RNF150: variants seen among roughly 807,000 people sequenced by gnomAD.
The protein encoded by RNF150 is ring finger protein 150.
In RNF150, 24 loss-of-function variants were observed where a neutral mutation model predicts 39.3. The ratio of observed to expected loss-of-function variants is 0.61; its 90% CI spans 0.44 to 0.86. The LOEUF (loss-of-function observed/expected upper bound fraction) is 0.86, where lower values mean the gene tolerates loss of function less well. Ranked by LOEUF, RNF150 falls within the 40% of genes least tolerant of loss-of-function variation. RNF150 has a pLI of 0.00. For missense variants in RNF150, 502 were observed against 587.8 expected, an observed-to-expected ratio of 0.85 and a Z score of 1.51; for synonymous variants, 255 against 227.3, an observed-to-expected ratio of 1.12 and a Z score of -1.10.
intron 5 of RNF150, among the ~76,000 whole-genome samples, chr4:140,923,968 TTG>T (rs1176956618): frequency 6.6e-6 from 1 of 151,774 alleles, no homozygotes; most frequent in Non-Finnish European, 1.5e-5. Flanking sequence ...CTGGGGCCTG[TTG>T]TGGGGTGGGG....
intron 1 of RNF150, among the ~76,000 whole-genome samples, chr4:141,126,202 G>A (rs1231742866): frequency 6.6e-6 from 1 of 152,110 alleles, no homozygotes; most frequent in Non-Finnish European, 1.5e-5. Context: ...TATCTTGTGA[G>A]AAAAATGAAG....
chr4:141,171,928 C>T (rs112664762), intron 1 of RNF150, among the ~76,000 whole-genome samples: 6 of 152,180 alleles, frequency 3.9e-5, no homozygotes, highest in East Asian at 1.9e-4. Flanking sequence ...CTCATGTGAG[C>T]GTCTAGTCAT....
intron 1 of RNF150, among the ~76,000 whole-genome samples, chr4:141,128,261 A>T (rs892087498): frequency 3.3e-5 from 5 of 152,212 alleles, no homozygotes; most frequent in African/African-American, 1.2e-4. Context: ...AACACTGTAC[A>T]TGCATTAATC....
In RNF150 at chr4:140,875,163, G is replaced by GTTTT. The variant is rs58742685; in HGVS notation, c.1199-6788_1199-6785dup. Among the ~76,000 whole-genome samples the GTTTT allele has an allele frequency of 2.7e-3, 331 of 122,584 alleles. 8 individuals carry two copies. The highest frequency in any genetic ancestry group is 9.1e-3 in the African/African-American group (301 of 33,022). The allele number at this position is 122,584 out of a possible 152,430, so 80.4% of individuals were successfully genotyped here. A position where few individuals can be genotyped will look rare whatever the true frequency, so the allele number is the denominator to read the frequency against. On this transcript the variant is annotated intron_variant, in intron 6 of 6. Transcript: ENST00000515673. ...AGTCCATGAACTTGACAATCATTACGTTTTTTTTTTTTTTTTTTGGTGAGT... is the reference window on the plus strand; with the variant it reads ...AGTCCATGAACTTGACAATCATTACGTTTTTTTTTTTTTTTTTTTTTTGGTGAGT...
intron 1 of RNF150, among the ~76,000 whole-genome samples, chr4:141,020,469 G>A (rs905989941): frequency 1.3e-5 from 2 of 152,282 alleles, no homozygotes; most frequent in East Asian, 3.9e-4. Context: ...TGTGTCCACA[G>A]AGCTGGTTCT....
At chr4:141,109,061 C>T (rs902371365) in intron 1 of RNF150, among the ~76,000 whole-genome samples, 2 of 152,116 alleles carry the variant, frequency 1.3e-5, no homozygotes, top group African/African-American at 2.4e-5. Context: ...TCCATGTTAA[C>T]GCTCAGAACA....
chr4:140,921,174 GTATAATAAT>G (rs1261090837), intron 5 of RNF150, among the ~76,000 whole-genome samples: 1 of 94,072 alleles, frequency 1.1e-5, no homozygotes, highest in Non-Finnish European at 2.2e-5. Context: ...AAAACTTAAA[GTATAATAAT>G]AATAATAATA....
chr4:140,940,029 T>A (rs1732022325), intron 4 of RNF150, among the ~76,000 whole-genome samples: 1 of 152,194 alleles, frequency 6.6e-6, no homozygotes, highest in Non-Finnish European at 1.5e-5. Context: ...CCATGCTGCA[T>A]GCCACTGACA....
intron 1 of RNF150, among the ~76,000 whole-genome samples, chr4:140,972,997 C>G (rs1018312650): frequency 6.6e-6 from 1 of 152,062 alleles, no homozygotes; most frequent in Non-Finnish European, 1.5e-5. Context: ...GAAAGAAGAG[C>G]ACACACTATC....
In RNF150 at chr4:141,133,153, G is replaced by T. The variant is rs1313983431; in HGVS notation, c.-345C>A. On this transcript the variant is annotated 5_prime_UTR_variant, in exon 1 of 7. Coordinates refer to ENST00000515673, the MANE Select transcript of RNF150 (RefSeq NM_020724.2). ...GCCTTCTCTCATAAGGGTGGCCGGG[G>T]GCCCACGAACTTGCAGGGTGGCGGC... The T allele has an allele frequency of 3.8e-6, 1 of 264,288 alleles. No homozygotes were observed. The highest frequency in any genetic ancestry group is 7.2e-6 in the Non-Finnish European group (1 of 139,200). The allele number at this position is 264,288 out of a possible 1,614,324, so 16.4% of individuals were successfully genotyped here.
intron 1 of RNF150, among the ~76,000 whole-genome samples, chr4:141,100,571 T>C (rs1738971049): frequency 6.6e-6 from 1 of 152,196 alleles, no homozygotes; most frequent in South Asian, 2.1e-4. Flanking sequence ...ATCCTTTCCA[T>C]TTTTAACATT....
chr4:141,022,701 G>T (rs1230058998), intron 1 of RNF150, among the ~76,000 whole-genome samples: 1 of 152,156 alleles, frequency 6.6e-6, no homozygotes, highest in Non-Finnish European at 1.5e-5. Context: ...TGGCTAAAAT[G>T]TTGGAGAAAA....
At chr4:141,087,059 G>T (rs546011660) in intron 1 of RNF150, among the ~76,000 whole-genome samples, 1 of 152,182 alleles carries the variant, frequency 6.6e-6, no homozygotes, top group East Asian at 1.9e-4. Context: ...TGTCATGGGG[G>T]TTTGTTGTAC....
chr4:140,868,197 T>A lies in RNF150; in HGVS notation c.*64A>T. 1 of 954,428 alleles carries A rather than the reference T, an allele frequency of 1.0e-6. No individual in the cohort carries two copies. Among genetic ancestry groups the A allele is most frequent in the East Asian group, 2.4e-5 (1 of 41,628 alleles). 59.1% of individuals were successfully genotyped at this position (954,428 alleles called of 1,614,324 possible). On this transcript the variant is annotated 3_prime_UTR_variant, in exon 7 of 7. Coordinates refer to ENST00000515673, the MANE Select transcript of RNF150 (RefSeq NM_020724.2). ...GGTGTGTGTGTGCCTGGTCCAAGTC[T>A]TGGAGCACTCTTCCCTTCCTTTCCC...
At chr4:141,093,250 C>A (rs6857217) in intron 1 of RNF150, among the ~76,000 whole-genome samples, 2,711 of 151,994 alleles carry the variant, frequency 0.018, 75 homozygotes, top group African/African-American at 0.062. Flanking sequence ...CCTGTAGTCC[C>A]AGCTGCTTGG....
At chr4:140,995,593 C>G (rs1734336635) in intron 1 of RNF150, among the ~76,000 whole-genome samples, 1 of 152,086 alleles carries the variant, frequency 6.6e-6, no homozygotes, top group African/African-American at 2.4e-5. Flanking sequence ...CCGCCCCATC[C>G]CTGTTTTAGC....
At chr4:141,088,678 T>TACACAC (rs60239559) in intron 1 of RNF150, among the ~76,000 whole-genome samples, 19,410 of 146,480 alleles carry the variant, frequency 0.13, 1,789 homozygotes, top group East Asian at 0.47. Context: ...ACTTTGCTTT[T>TACACAC]ACACACACAC....
intron 1 of RNF150, among the ~76,000 whole-genome samples, chr4:141,052,942 C>A (rs1025366728): frequency 6.6e-6 from 1 of 152,100 alleles, no homozygotes; most frequent in African/African-American, 2.4e-5. Flanking sequence ...ATTTTTGAGT[C>A]TGGGATACCC....
At chr4:141,125,455 C>T (rs554077747) in intron 1 of RNF150, among the ~76,000 whole-genome samples, 20 of 152,172 alleles carry the variant, frequency 1.3e-4, no homozygotes, top group Non-Finnish European at 2.9e-4. Context: ...ATACACAACA[C>T]TAACATCACT....
Sources: allele counts gnomAD v4.1 joint callset (sites outside exome capture counted in the v4.1 genomes callset), GRCh38; gene constraint gnomAD v4.1.1; transcripts MANE v1.5; gene names NCBI Gene and HGNC (gene_info 2026-07-23, HGNC 2026-07-21).